ACTR3B: variants seen among roughly 807,000 people sequenced by gnomAD.
ACTR3B encodes the protein actin-related protein 3B.
In ACTR3B, 8 loss-of-function variants were observed where a neutral mutation model predicts 59.0. The observed-to-expected ratio is 0.14, with a 90% CI of 0.08 to 0.24. The LOEUF (loss-of-function observed/expected upper bound fraction) is 0.24, where lower values mean the gene tolerates loss of function less well. Among genes scored for constraint, ACTR3B ranks in the 10% least tolerant of loss-of-function variants. The pLI is 1.00. For missense variants in ACTR3B, 245 were observed against 552.3 expected (o/e 0.44, Z 5.58); for synonymous variants, 148 against 197.9 (o/e 0.75, Z 2.12).
chr7:152,762,486 T>A (rs1159023829), intron 1 of ACTR3B, among the ~76,000 whole-genome samples: 2 of 152,234 alleles, frequency 1.3e-5, no homozygotes, highest in Non-Finnish European at 2.9e-5. Flanking sequence ...TACATATTAT[T>A]ATTACTTTCC....
rs949366667 is a variant in ACTR3B, at chr7:152,854,044, TTAA to T, written c.1162-409_1162-407del. 2.6e-5 allele frequency among the ~76,000 whole-genome samples: 4 copies of T among 152,190 alleles called. No individual in the cohort carries two copies. Among genetic ancestry groups the T allele is most frequent in the African/African-American group, 9.7e-5 (4 of 41,446 alleles). On this transcript the variant is annotated intron_variant, in intron 11 of 11. Transcript: ENST00000256001. The surrounding 1 kb of genome is among the most constrained non-coding windows in gnomAD (Gnocchi z 4.9). ...TGCCCGGCCCGATATAAACTATATC[TTAA>T]TAATCACACAACACATTTATCACGT...
At chr7:152,828,735 A>G (rs965927883) in intron 9 of ACTR3B, among the ~76,000 whole-genome samples, 1 of 152,006 alleles carries the variant, frequency 6.6e-6, no homozygotes, top group Non-Finnish European at 1.5e-5. Flanking sequence ...GCCGGGTAAG[A>G]CGCTCACTCT....
intron 9 of ACTR3B, among the ~76,000 whole-genome samples, chr7:152,847,705 C>A (rs1330431401): frequency 6.6e-6 from 1 of 152,160 alleles, no homozygotes; most frequent in Non-Finnish European, 1.5e-5. Flanking sequence ...TGTGGTCGCA[C>A]CTAGCTGTGG....
chr7:152,759,760 T>TC lies in ACTR3B; in HGVS notation c.-120dup. ...CGTGTCGGCCGCCGAGCATCCGGGCTCCCGGCAGCGGCGCTGCGGCGGCTC... is the reference window on the plus strand; with the variant it reads ...CGTGTCGGCCGCCGAGCATCCGGGCTCCCCGGCAGCGGCGCTGCGGCGGCTC... On this transcript the variant is annotated 5_prime_UTR_variant, in exon 1 of 12. Coordinates refer to ENST00000256001, the MANE Select transcript of ACTR3B (RefSeq NM_020445.6). 1.3e-6 allele frequency: 1 copy of TC among 754,648 alleles called. No homozygotes were observed. Among genetic ancestry groups the TC allele is most frequent in the East Asian group, 7.3e-5 (1 of 13,684 alleles). The allele number at this position is 754,648 out of a possible 1,614,324, so 46.7% of individuals were successfully genotyped here.
chr7:152,804,055 A>C (rs1265250717), intron 4 of ACTR3B, among the ~76,000 whole-genome samples: 2 of 152,230 alleles, frequency 1.3e-5, no homozygotes, highest in East Asian at 3.9e-4. Flanking sequence ...AGGAGCTCAC[A>C]GAATTATCCT....
At chr7:152,835,311 G>A (rs547103240) in intron 9 of ACTR3B, among the ~76,000 whole-genome samples, 23 of 152,090 alleles carry the variant, frequency 1.5e-4, no homozygotes, top group South Asian at 1.5e-3. Flanking sequence ...GAAGTGTAGT[G>A]CTTGATATGT....
chr7:152,835,747 C>G (rs1051583281), intron 9 of ACTR3B, among the ~76,000 whole-genome samples: 1 of 152,192 alleles, frequency 6.6e-6, no homozygotes, highest in Admixed American at 6.5e-5. Context: ...TTTGCCCAGC[C>G]TTGCTTTATT....
intron 1 of ACTR3B, among the ~76,000 whole-genome samples, chr7:152,765,047 A>G (rs2098104015): frequency 6.7e-6 from 1 of 148,198 alleles, no homozygotes; most frequent in South Asian, 2.1e-4. Flanking sequence ...TTGATTGTAC[A>G]TTGTTCTTTA....
intron 4 of ACTR3B, among the ~76,000 whole-genome samples, chr7:152,802,610 G>A (rs2098240117): frequency 1.3e-5 from 2 of 148,904 alleles, no homozygotes; most frequent in South Asian, 4.3e-4. Context: ...TCTTCCGTGA[G>A]ATGCTCTTTT....
Position 152,782,296 on chromosome 7 carries a change from C to T in ACTR3B, c.45-891C>T, listed in dbSNP as rs966423229. ...CAGAATGACGGCTTGGTTGTCCAGA[C>T]GTTACTGTTAATTAGAGTAGTCCTA... is the stretch of plus-strand genomic sequence containing the variant. On this transcript the variant is annotated intron_variant, in intron 1 of 11. Transcript: ENST00000256001. Among the ~76,000 whole-genome samples, 127 of 150,240 alleles carry T rather than the reference C, an allele frequency of 8.5e-4. No homozygotes were observed. In the Middle Eastern group the frequency reaches 0.014, roughly 16 times the overall value.
At chr7:152,763,066 A>G (rs961106122) in intron 1 of ACTR3B, among the ~76,000 whole-genome samples, 1 of 152,176 alleles carries the variant, frequency 6.6e-6, no homozygotes, top group Non-Finnish European at 1.5e-5. Context: ...CTGTAATCCC[A>G]GCACTTTGGG....
intron 10 of ACTR3B, 151 bp downstream of exon 10, chr7:152,852,402 T>C (rs1798888429): frequency 9.4e-7 from 1 of 1,067,590 alleles, no homozygotes; most frequent in Non-Finnish European, 1.3e-6. Context: ...GACATGACCA[T>C]GGAGGTTTGC....
Position 152,812,019 on chromosome 7 carries a change from C to CTTTTTTTTTTTTTTTTTTT in ACTR3B, c.337-2520_337-2502dup, listed in dbSNP as rs1164677748. On this transcript the variant is annotated intron_variant, in intron 4 of 11. Transcript: ENST00000256001. ...TTCTTAATTCCCAGAAAATAAAAGT[C>CTTTTTTTTTTTTTTTTTTT]TTTTTTTTTTTTTTTTTTTTTTTTT... 5.6e-4 allele frequency: 13 copies of CTTTTTTTTTTTTTTTTTTT among 23,356 alleles called. 3 individuals are homozygous for CTTTTTTTTTTTTTTTTTTT. Among genetic ancestry groups the CTTTTTTTTTTTTTTTTTTT allele is most frequent in the African/African-American group, 1.4e-3 (12 of 8,828 alleles). The allele number at this position is 23,356 out of a possible 1,614,324, so 1.4% of individuals were successfully genotyped here. A position where few individuals can be genotyped will look rare whatever the true frequency, so the allele number is the denominator to read the frequency against.
intron 2 of ACTR3B, among the ~76,000 whole-genome samples, chr7:152,796,548 G>A (rs1300723939): frequency 4.2e-5 from 6 of 144,256 alleles, no homozygotes; most frequent in Non-Finnish European, 7.6e-5. Context: ...GGAGGAGAGA[G>A]CACTGAGGGT....
chr7:152,849,866 G>A (rs573343590), intron 9 of ACTR3B, among the ~76,000 whole-genome samples: 1 of 152,376 alleles, frequency 6.6e-6, no homozygotes, highest in South Asian at 2.1e-4. Context: ...TGGAAGACGA[G>A]GTCACTGGTG....
intron 2 of ACTR3B, among the ~76,000 whole-genome samples, chr7:152,796,269 A>G (rs1295817708): frequency 2.0e-5 from 3 of 152,164 alleles, no homozygotes; most frequent in Admixed American, 6.5e-5. Context: ...TGTTGTGTAT[A>G]TACTTTTATT....
rs553054801 is a variant in ACTR3B, at chr7:152,786,355, C to T, written c.100+3113C>T. 109 of 210,738 alleles carry T rather than the reference C, an allele frequency of 5.2e-4. 2 individuals are homozygous for T. Among genetic ancestry groups the T allele is most frequent in the African/African-American group, 2.5e-3 (101 of 40,192 alleles). 13.1% of individuals were successfully genotyped at this position (210,738 alleles called of 1,614,324 possible). On this transcript the variant is annotated intron_variant, in intron 2 of 11. Transcript: ENST00000256001. ...ATCACCTGAGGTCAGGGATTTGAGA[C>T]CAGCCTGGCCAAAATGGCAACACCC...
intron 9 of ACTR3B, among the ~76,000 whole-genome samples, chr7:152,834,439 C>G (rs753372839): frequency 1.3e-5 from 2 of 152,228 alleles, no homozygotes; most frequent in Non-Finnish European, 2.9e-5. Context: ...CAAGTGTGAG[C>G]CACCGCGCCC....
intron 2 of ACTR3B, among the ~76,000 whole-genome samples, chr7:152,796,860 G>GTTTTTTTTTTTT (rs779909545): frequency 5.5e-5 from 3 of 54,752 alleles, no homozygotes; most frequent in South Asian, 9.5e-4. Context: ...TAGTTTTTGT[G>GTTTTTTTTTTTT]TTTTTTTTTT....
Sources: allele counts gnomAD v4.1 joint callset (sites outside exome capture counted in the v4.1 genomes callset), GRCh38; gene constraint gnomAD v4.1.1; non-coding constraint Gnocchi (gnomAD v3.1); transcripts MANE v1.5; gene names NCBI Gene and HGNC (gene_info 2026-07-23, HGNC 2026-07-21).